Variants in RIMS2 observed in about 807,000 individuals in gnomAD.
RIMS2 encodes the protein regulating synaptic membrane exocytosis protein 2.
Under a neutral mutation model 174.4 loss-of-function variants are expected in RIMS2, and 59 were observed. The ratio of observed to expected loss-of-function variants is 0.34; its 90% CI spans 0.27 to 0.42. The LOEUF (loss-of-function observed/expected upper bound fraction) is 0.42, where lower values mean the gene tolerates loss of function less well. RIMS2 is among the 10% of genes least tolerant of loss of function. The pLI, the probability that RIMS2 is intolerant of heterozygous loss-of-function variation, is 1.00. For missense variants in RIMS2, 1,620 were observed against 1,666.3 expected (o/e 0.97, Z 0.48); for synonymous variants, 606 against 572.5 (o/e 1.06, Z -0.84).
chr8:103,989,227 A>T, intron 16 of RIMS2, 78 bp from the exon 19 acceptor site: 3 of 861,100 alleles, frequency 3.5e-6, no homozygotes, highest in Non-Finnish European at 5.7e-6. Context: ...GTCTTTTTCT[A>T]CTGTGCTTTA....
intron 1 of RIMS2, among the ~76,000 whole-genome samples, chr8:103,612,739 T>C (rs1051436979): frequency 6.6e-6 from 1 of 152,148 alleles, no homozygotes; most frequent in Non-Finnish European, 1.5e-5. Flanking sequence ...CCACCATGCC[T>C]GGCTGATTTT....
At chr8:103,666,722 A>C (rs2096673925) in intron 1 of RIMS2, among the ~76,000 whole-genome samples, 1 of 152,154 alleles carries the variant, frequency 6.6e-6, no homozygotes, top group Non-Finnish European at 1.5e-5. Context: ...GTTAAGGCCT[A>C]GTGTATGAGC....
intron 9 of RIMS2, among the ~76,000 whole-genome samples, chr8:103,919,924 T>G (rs1052875899): frequency 1.3e-5 from 2 of 152,106 alleles, no homozygotes; most frequent in African/African-American, 2.4e-5. Flanking sequence ...ATTGCTCCCA[T>G]TTTATTTAGT....
At chr8:103,565,332 TCTCA>T (rs1271720580) in intron 1 of RIMS2, among the ~76,000 whole-genome samples, 1 of 151,148 alleles carries the variant, frequency 6.6e-6, no homozygotes, top group East Asian at 1.9e-4. Context: ...GGAGACGAGG[TCTCA>T]CTCTGTTGTT....
chr8:104,111,289 T>A (rs2098177941), intron 19 of RIMS2, among the ~76,000 whole-genome samples: 1 of 152,252 alleles, frequency 6.6e-6, no homozygotes, highest in Non-Finnish European at 1.5e-5. Flanking sequence ...TCATTTTTGC[T>A]GACTTCCCAA....
intron 13 of RIMS2, among the ~76,000 whole-genome samples, chr8:103,936,987 A>G (rs915967617): frequency 2.0e-5 from 3 of 151,810 alleles, no homozygotes; most frequent in African/African-American, 4.8e-5. Flanking sequence ...AGTCCCAGCT[A>G]CTCGGGAGGC....
intron 14 of RIMS2, among the ~76,000 whole-genome samples, chr8:103,953,818 A>T (rs1055690665): frequency 1.3e-5 from 2 of 152,168 alleles, no homozygotes; most frequent in East Asian, 3.9e-4. Context: ...AAATTGGATA[A>T]AGAGTCAAGA....
chr8:104,108,395 G>A (rs2098117553), intron 19 of RIMS2, among the ~76,000 whole-genome samples: 1 of 151,870 alleles, frequency 6.6e-6, no homozygotes, highest in Non-Finnish European at 1.5e-5. Context: ...TGGCTCAAGA[G>A]ATCTTCCTGC....
chr8:104,186,101 T>C (rs2098966595), intron 19 of RIMS2, among the ~76,000 whole-genome samples: 1 of 151,692 alleles, frequency 6.6e-6, no homozygotes, highest in Non-Finnish European at 1.5e-5. Flanking sequence ...TGAATGGAAC[T>C]GGAGACTATT....
chr8:103,805,129 A>C (rs368112566), intron 3 of RIMS2, among the ~76,000 whole-genome samples: 136 of 152,100 alleles, frequency 8.9e-4, no homozygotes, highest in African/African-American at 3.1e-3. Context: ...ATTTTTATGT[A>C]TGTGTTTTTT....
At chr8:104,196,194 C>A (rs2099023394) in intron 19 of RIMS2, among the ~76,000 whole-genome samples, 1 of 152,030 alleles carries the variant, frequency 6.6e-6, no homozygotes, top group African/African-American at 2.4e-5. Flanking sequence ...AGACCAAATT[C>A]CAAAGTCTTA....
intron 19 of RIMS2, among the ~76,000 whole-genome samples, chr8:104,091,220 A>G (rs1164689640): frequency 6.6e-6 from 1 of 151,834 alleles, no homozygotes; most frequent in Non-Finnish European, 1.5e-5. Context: ...TAATGATTAC[A>G]TTATTGCCCT....
chr8:104,094,844 C>T, intron 19 of RIMS2: 1 of 568,066 alleles, frequency 1.8e-6, no homozygotes, highest in South Asian at 2.5e-5. Flanking sequence ...ATCTATTTAG[C>T]TTCTAATATT....
intron 2 of RIMS2, among the ~76,000 whole-genome samples, chr8:103,706,484 G>C (rs10092889): frequency 0.06 from 9,096 of 151,940 alleles, 907 homozygotes; most frequent in African/African-American, 0.21. Context: ...TGTAAAATAG[G>C]TCTAGTGGTA....
At chr8:104,194,223 G>A (rs1453615407) in intron 19 of RIMS2, among the ~76,000 whole-genome samples, 1 of 151,504 alleles carries the variant, frequency 6.6e-6, no homozygotes, top group East Asian at 1.9e-4. Flanking sequence ...TGATTTCTCT[G>A]TAATCTTCAG....
chr8:103,757,618 C>A (rs1441862572), intron 2 of RIMS2, among the ~76,000 whole-genome samples: 4 of 152,128 alleles, frequency 2.6e-5, no homozygotes, highest in Admixed American at 6.5e-5. Flanking sequence ...TTCCTGAAAC[C>A]TATGAATGTT....
intron 1 of RIMS2, among the ~76,000 whole-genome samples, chr8:103,596,029 A>C (rs1276144900): frequency 6.6e-6 from 1 of 151,462 alleles, no homozygotes; most frequent in Non-Finnish European, 1.5e-5. Context: ...TACCTTTTAC[A>C]CTCTTAGATC....
chr8:103,962,277 TA>T (rs1448272006), intron 15 of RIMS2, among the ~76,000 whole-genome samples: 5 of 152,138 alleles, frequency 3.3e-5, no homozygotes, highest in African/African-American at 4.8e-5. Flanking sequence ...TTCCCTCCTA[TA>T]AAAGGAGTTG....
intron 19 of RIMS2, among the ~76,000 whole-genome samples, chr8:104,139,957 G>A (rs2098552762): frequency 6.6e-6 from 1 of 151,970 alleles, no homozygotes; most frequent in African/African-American, 2.4e-5. Context: ...GTTTTTTGAA[G>A]GTTTTCATCC....
Sources: allele counts gnomAD v4.1 joint callset (sites outside exome capture counted in the v4.1 genomes callset), GRCh38; gene constraint gnomAD v4.1.1; transcripts MANE v1.5; gene names NCBI Gene and HGNC (gene_info 2026-07-23, HGNC 2026-07-21).